Variants in AK8 observed in about 807,000 individuals in gnomAD.
The protein encoded by AK8 is adenylate kinase 8, also known as ATP-AMP transphosphorylase 8.
A neutral mutation model predicts 54.6 loss-of-function variants in AK8; 44 were observed. The ratio of observed to expected loss-of-function variants is 0.81; its 90% CI spans 0.63 to 1.04. The LOEUF is 1.04. Among genes scored for constraint, AK8 ranks in the 50% least tolerant of loss-of-function variants. AK8 has a pLI of 0.00. For missense variants in AK8, 555 were observed against 613.6 expected (o/e 0.90, Z 1.01); for synonymous variants, 239 against 245.6 (o/e 0.97, Z 0.25).
At chr9:132,819,734 T>C (rs1355424987) in intron 9 of AK8, among the ~76,000 whole-genome samples, 1 of 151,930 alleles carries the variant, frequency 6.6e-6, no homozygotes, top group African/African-American at 2.4e-5. Context: ...TTAAGTACAC[T>C]TGGAATTCAC....
chr9:132,785,586 C>T (rs1460470440), intron 11 of AK8, among the ~76,000 whole-genome samples: 1 of 152,028 alleles, frequency 6.6e-6, no homozygotes, highest in Non-Finnish European at 1.5e-5. Context: ...AAAACACATC[C>T]CATAAAGAAA....
At chr9:132,858,599 G>A (rs1353032625) in intron 4 of AK8, among the ~76,000 whole-genome samples, 1 of 152,184 alleles carries the variant, frequency 6.6e-6, no homozygotes, top group African/African-American at 2.4e-5. Context: ...TCCATAAAGG[G>A]GCTCCTCCTG....
chr9:132,870,602 C>T (rs1843775440), intron 2 of AK8, among the ~76,000 whole-genome samples: 1 of 152,216 alleles, frequency 6.6e-6, no homozygotes, highest in Non-Finnish European at 1.5e-5. Context: ...CTAAATCTGC[C>T]TTTCTGGCGG....
chr9:132,779,390 T>G (rs1318343738), intron 11 of AK8, among the ~76,000 whole-genome samples: 3 of 152,230 alleles, frequency 2.0e-5, no homozygotes, highest in Non-Finnish European at 4.4e-5. Flanking sequence ...GGCACGATCA[T>G]AGCTCACTGC....
At chr9:132,804,739 T>C (rs215166) in intron 10 of AK8, among the ~76,000 whole-genome samples, 42,898 of 151,970 alleles carry the variant, frequency 0.28, 6,213 homozygotes, top group East Asian at 0.49. Context: ...TCCCTCCCTC[T>C]ATGTCCGATG....
intron 11 of AK8, among the ~76,000 whole-genome samples, chr9:132,741,357 C>T (rs899468079): frequency 2.6e-5 from 4 of 152,240 alleles, no homozygotes; most frequent in African/African-American, 7.2e-5. Flanking sequence ...CACTGCACCA[C>T]GCCTTCTACC....
At chr9:132,871,223 G>T (rs1402944576) in intron 2 of AK8, among the ~76,000 whole-genome samples, 1 of 152,120 alleles carries the variant, frequency 6.6e-6, no homozygotes, top group Non-Finnish European at 1.5e-5. Context: ...TCCAGCCTAG[G>T]CGACAGAGCC....
intron 11 of AK8, among the ~76,000 whole-genome samples, chr9:132,784,978 T>C (rs2131141666): frequency 6.6e-6 from 1 of 152,276 alleles, no homozygotes; most frequent in Middle Eastern, 3.4e-3. Flanking sequence ...TCAATACTGA[T>C]TAAAAACAAT....
chr9:132,872,711 G>A (rs539022611), intron 2 of AK8, among the ~76,000 whole-genome samples: 1 of 152,018 alleles, frequency 6.6e-6, no homozygotes, highest in South Asian at 2.1e-4. Flanking sequence ...TCAGCTCACT[G>A]CAACCTCCAC....
At chr9:132,835,897 G>T (rs1842305126) in intron 5 of AK8, among the ~76,000 whole-genome samples, 1 of 152,170 alleles carries the variant, frequency 6.6e-6, no homozygotes, top group Admixed American at 6.5e-5. Flanking sequence ...GCCGAGGTGG[G>T]TGGATCACCT....
chr9:132,794,068 C>T (rs1287650146), intron 10 of AK8, among the ~76,000 whole-genome samples: 1 of 152,204 alleles, frequency 6.6e-6, no homozygotes, highest in Non-Finnish European at 1.5e-5. Context: ...TGCTGGGTTG[C>T]TGCCCTTGTC....
chr9:132,754,875 T>C (rs563035836), intron 11 of AK8, among the ~76,000 whole-genome samples: 18 of 151,782 alleles, frequency 1.2e-4, no homozygotes, highest in Admixed American at 2.6e-4. Flanking sequence ...TCTTGGCTCA[T>C]TGCAACCTCC....
Position 132,878,143 on chromosome 9 carries a change from C to A in AK8, c.84+29G>T, listed in dbSNP as rs760508827. The stretch of plus-strand genomic sequence containing the variant: ...GTGGAGGCTCCCGAGCCGCCGCCAG[C>A]GTCGCGACGGGCAGGGGTGTCCGGT... On this transcript the variant is annotated intron_variant, in intron 1 of 12. Coordinates refer to ENST00000298545, the MANE Select transcript of AK8 (RefSeq NM_152572.3). This position sits in a 1 kb window ranked among gnomAD's most constrained non-coding sequence, Gnocchi z 4.7. 3.9e-6 allele frequency: 6 copies of A among 1,534,088 alleles called. No individual in the cohort carries two copies. The highest frequency in any genetic ancestry group is 5.3e-6 in the Non-Finnish European group (6 of 1,140,010).
chr9:132,874,670 C>T (rs1363431111), intron 2 of AK8, among the ~76,000 whole-genome samples: 1 of 152,226 alleles, frequency 6.6e-6, no homozygotes, highest in Non-Finnish European at 1.5e-5. Context: ...CATTAACAGG[C>T]TCCGATAATG....
chr9:132,791,914 A>T lies in AK8; in HGVS notation c.1121+720T>A, dbSNP rs1839963684. On this transcript the variant is annotated intron_variant, in intron 11 of 12. Transcript: ENST00000298545. The surrounding 1 kb of genome is among the most constrained non-coding windows in gnomAD (Gnocchi z 4.0). ...ATGTTCCCTTAACCAGTCACACAGGAGGCCCCGCCTCTAGTTAACCCACCC... is the reference window on the plus strand; with the variant it reads ...ATGTTCCCTTAACCAGTCACACAGGTGGCCCCGCCTCTAGTTAACCCACCC... Among the ~76,000 whole-genome samples, 1 of 152,204 alleles carries T rather than the reference A, an allele frequency of 6.6e-6. No individual in the cohort carries two copies. The highest frequency in any genetic ancestry group is 6.5e-5 in the Admixed American group (1 of 15,276).
At chr9:132,735,198 C>A (rs1171988096) in intron 11 of AK8, among the ~76,000 whole-genome samples, 1 of 144,226 alleles carries the variant, frequency 6.9e-6, no homozygotes, top group Non-Finnish European at 1.6e-5. Flanking sequence ...CAACTGGGAT[C>A]CCCTGACCCA....
intron 11 of AK8, among the ~76,000 whole-genome samples, chr9:132,738,448 C>G (rs1402954869): frequency 6.6e-6 from 1 of 151,946 alleles, no homozygotes; most frequent in Non-Finnish European, 1.5e-5. Flanking sequence ...GTTTTAAAAC[C>G]AAGTGCCTCC....
chr9:132,753,040 G>A (rs1482827085), intron 11 of AK8, among the ~76,000 whole-genome samples: 1 of 152,222 alleles, frequency 6.6e-6, no homozygotes, highest in Non-Finnish European at 1.5e-5. Context: ...CTTCTGGAGC[G>A]AACAAATTGA....
rs1161488635 is a variant in AK8 at position 132,798,222 on chromosome 9, G to A, written c.980-5447C>T. On this transcript the variant is annotated intron_variant, in intron 10 of 12. Coordinates refer to ENST00000298545, the MANE Select transcript of AK8 (RefSeq NM_152572.3). The stretch of plus-strand genomic sequence containing the variant: ...TGAGGAGTGAGGGGTGAACCCTGAA[G>A]ACCCTGCCTTTAGTGTAAATTCCCC... Among the ~76,000 whole-genome samples the A allele has an allele frequency of 2.0e-5, 3 of 152,298 alleles. No individual in the cohort carries two copies. In the East Asian group the frequency reaches 5.8e-4, roughly 29 times the overall value.
Sources: gnomAD v4.1 joint callset for allele counts (sites outside exome capture counted in the v4.1 genomes callset) on GRCh38, gnomAD v4.1.1 for gene constraint, Gnocchi (gnomAD v3.1) non-coding constraint, MANE v1.5 for transcripts, NCBI Gene and HGNC (gene_info 2026-07-23, HGNC 2026-07-21) for gene names.